SLIT3: variants seen among roughly 807,000 people sequenced by gnomAD.
SLIT3 encodes the protein slit guidance ligand 3.
Under a neutral mutation model 184.0 loss-of-function variants are expected in SLIT3, and 68 were observed. That is an observed-to-expected ratio of 0.37 (90% CI 0.30 to 0.45). SLIT3 has a LOEUF of 0.45. SLIT3 is among the 20% of genes least tolerant of loss of function. The pLI is 1.00. For synonymous variants in SLIT3, 831 were observed against 828.6 expected (o/e 1.00, Z -0.05); for missense variants, 1,707 against 2,026.0 (o/e 0.84, Z 3.02).
intron 4 of SLIT3, among the ~76,000 whole-genome samples, chr5:168,945,531 C>T (rs779571437): frequency 3.3e-5 from 5 of 152,178 alleles, no homozygotes; most frequent in Non-Finnish European, 7.3e-5. Flanking sequence ...CCACCACGCC[C>T]GGCCCAGTAT....
chr5:168,900,165 G>C (rs907965801), intron 4 of SLIT3, among the ~76,000 whole-genome samples: 3 of 152,172 alleles, frequency 2.0e-5, no homozygotes, highest in Non-Finnish European at 4.4e-5. Context: ...CAGAGGTAAG[G>C]GAGCACTTAT....
chr5:168,934,737 T>C (rs534374303), intron 4 of SLIT3, among the ~76,000 whole-genome samples: 5 of 152,250 alleles, frequency 3.3e-5, no homozygotes, highest in Admixed American at 2.0e-4. Flanking sequence ...TTTTGGGAAT[T>C]AGAACAACAA....
intron 28 of SLIT3, 31 bp downstream of exon 28, chr5:168,696,261 C>A (rs1396399114): frequency 6.2e-7 from 1 of 1,613,282 alleles, no homozygotes; most frequent in Non-Finnish European, 8.5e-7. Context: ...ACCCCTCCAC[C>A]CCACCATACA....
chr5:169,222,663 C>T (rs929449899), intron 3 of SLIT3, among the ~76,000 whole-genome samples: 2 of 152,196 alleles, frequency 1.3e-5, no homozygotes, highest in African/African-American at 4.8e-5. Flanking sequence ...TATGCCGTAA[C>T]TTACTCTTAG....
At chr5:168,858,408 T>C (rs1430438795) in intron 5 of SLIT3, among the ~76,000 whole-genome samples, 3 of 152,266 alleles carry the variant, frequency 2.0e-5, no homozygotes, top group African/African-American at 7.2e-5. Flanking sequence ...ATTCTACTTT[T>C]ATATCCCCGT....
chr5:168,879,937 A>G (rs1223147226), intron 5 of SLIT3, among the ~76,000 whole-genome samples: 2 of 152,202 alleles, frequency 1.3e-5, no homozygotes, highest in African/African-American at 4.8e-5. Context: ...CTTAGAAGGC[A>G]CTCAAAAAAT....
intron 4 of SLIT3, among the ~76,000 whole-genome samples, chr5:169,129,457 C>T (rs1340984159): frequency 1.3e-5 from 2 of 152,146 alleles, no homozygotes; most frequent in East Asian, 3.9e-4. Context: ...GAGGCTGAGG[C>T]AGGAGAATCT....
chr5:169,223,415 A>G (rs1381446935), intron 3 of SLIT3, among the ~76,000 whole-genome samples: 2 of 152,238 alleles, frequency 1.3e-5, no homozygotes, highest in Non-Finnish European at 2.9e-5. Context: ...TAGAAAGTGA[A>G]TAATTCATGT....
chr5:169,009,600 T>G (rs1045966749), intron 4 of SLIT3, among the ~76,000 whole-genome samples: 1 of 152,208 alleles, frequency 6.6e-6, no homozygotes, highest in Admixed American at 6.5e-5. Flanking sequence ...AAAAGGGGCT[T>G]AGGTTACAGA....
intron 4 of SLIT3, among the ~76,000 whole-genome samples, chr5:168,974,582 C>T (rs767389115): frequency 4.7e-4 from 71 of 152,294 alleles, no homozygotes; most frequent in South Asian, 3.1e-3. Context: ...TGTATTCCTT[C>T]CAAAAGTTCT....
intron 3 of SLIT3, among the ~76,000 whole-genome samples, chr5:169,219,963 C>T (rs1764567710): frequency 6.6e-6 from 1 of 152,150 alleles, no homozygotes; most frequent in African/African-American, 2.4e-5. Context: ...GACATGGATA[C>T]CGTGATTCGC....
chr5:168,914,361 C>A (rs957412319), intron 4 of SLIT3, among the ~76,000 whole-genome samples: 1 of 152,198 alleles, frequency 6.6e-6, no homozygotes, highest in African/African-American at 2.4e-5. Flanking sequence ...TTGTGGGCAG[C>A]CTCTGAATCT....
At chr5:169,064,585 T>C (rs1758284552) in intron 4 of SLIT3, among the ~76,000 whole-genome samples, 1 of 152,234 alleles carries the variant, frequency 6.6e-6, no homozygotes, top group African/African-American at 2.4e-5. Flanking sequence ...CAGGTTCTTC[T>C]GCTGCCAAAT....
chr5:169,144,520 A>G (rs987880917), intron 4 of SLIT3, among the ~76,000 whole-genome samples: 1 of 152,218 alleles, frequency 6.6e-6, no homozygotes, highest in African/African-American at 2.4e-5. Context: ...ATTTCATCCC[A>G]AGTATCTAGC....
intron 28 of SLIT3, among the ~76,000 whole-genome samples, chr5:168,693,250 C>T (rs1328731764): frequency 6.6e-6 from 1 of 152,160 alleles, no homozygotes; most frequent in Non-Finnish European, 1.5e-5. Context: ...CCCATAACCT[C>T]CCCCAGGAGG....
chr5:168,974,753 C>T (rs768803118), intron 4 of SLIT3, among the ~76,000 whole-genome samples: 66 of 152,182 alleles, frequency 4.3e-4, no homozygotes, highest in African/African-American at 1.4e-3. Context: ...GGTCCTCTGC[C>T]GAAAAGGCTC....
intron 4 of SLIT3, among the ~76,000 whole-genome samples, chr5:169,085,132 T>C (rs1050456766): frequency 6.6e-6 from 1 of 152,232 alleles, no homozygotes; most frequent in Non-Finnish European, 1.5e-5. Context: ...GGTTTCTTTC[T>C]TTCTTAAATT....
chr5:169,148,890 A>T (rs1279019285), intron 4 of SLIT3, among the ~76,000 whole-genome samples: 1 of 152,204 alleles, frequency 6.6e-6, no homozygotes, highest in East Asian at 1.9e-4. Flanking sequence ...CTTAAAAAAA[A>T]AAAAATCACA....
intron 25 of SLIT3, among the ~76,000 whole-genome samples, 153 bp downstream of exon 25, chr5:168,710,742 G>A (rs890437566): frequency 6.6e-6 from 1 of 152,216 alleles, no homozygotes; most frequent in Non-Finnish European, 1.5e-5. Context: ...TCACATCAGC[G>A]TCAGCATCTG....
Sources: allele counts gnomAD v4.1 joint callset (sites outside exome capture counted in the v4.1 genomes callset), GRCh38; gene constraint gnomAD v4.1.1; transcripts MANE v1.5; gene names NCBI Gene and HGNC (gene_info 2026-07-23, HGNC 2026-07-21).